TOMM20: variants seen among roughly 807,000 people sequenced by gnomAD.
The protein encoded by TOMM20 is translocase of outer mitochondrial membrane 20, also known as mitochondrial import receptor subunit TOM20 homolog.
Under a neutral mutation model 22.1 loss-of-function variants are expected in TOMM20, and 10 were observed. That is an observed-to-expected ratio of 0.45 (90% CI 0.28 to 0.77). TOMM20 has a LOEUF of 0.77. Ranked by LOEUF, TOMM20 falls within the 30% of genes least tolerant of loss-of-function variation. The pLI is 0.13. For missense variants in TOMM20, 121 were observed against 172.2 expected (o/e 0.70, Z 1.66); for synonymous variants, 55 against 61.4 (o/e 0.90, Z 0.49).
intron 2 of TOMM20, among the ~76,000 whole-genome samples, chr1:235,120,397 C>G (rs955095097): frequency 2.0e-5 from 3 of 151,832 alleles, no homozygotes; most frequent in African/African-American, 7.3e-5. Flanking sequence ...CTCAGCCTCC[C>G]GAGTAGCTGG....
At chr1:235,120,000 TCA>T (rs1660902468) in intron 2 of TOMM20, 101 bp from the exon 3 acceptor site, 1 of 660,070 alleles carries the variant, frequency 1.5e-6, no homozygotes, top group Non-Finnish European at 2.4e-6. Flanking sequence ...ACCAAATCAC[TCA>T]TTCTAAAAAA....
rs1468436342 is a variant in TOMM20, at chr1:235,115,669, T to C, written c.251-1759A>G. The stretch of plus-strand genomic sequence containing the variant: ...AATAAAAAAATAATAACAATACAAG[T>C]AGAGGAACAATTCTCAAGTCTGTCA... On this transcript the variant is annotated intron_variant, in intron 3 of 4. Transcript: ENST00000366607. Among the ~76,000 whole-genome samples, 5 of 152,166 alleles carry C rather than the reference T, an allele frequency of 3.3e-5. No homozygotes were observed. The East Asian group carries it at 9.6e-4, about 29-fold the overall frequency.
At chr1:235,128,567 C>G (rs776354001) in intron 1 of TOMM20, 28 bp downstream of exon 1, 21 of 1,611,548 alleles carry the variant, frequency 1.3e-5, no homozygotes, top group Admixed American at 3.3e-5. Context: ...GGCAGCAAGC[C>G]TGGCCAGGGG....
In TOMM20 at chr1:235,110,362, G is replaced by A. The variant is rs893739469; in HGVS notation, c.*1702C>T. On this transcript the variant is annotated 3_prime_UTR_variant, in exon 5 of 5. Transcript: ENST00000366607. Reference sequence around the variant, plus strand: ...TAACTGCCCCTCTATACATGTCTGGGCTGCTGCCTAAGACTTCTTAGCTGC... The same window carrying A: ...TAACTGCCCCTCTATACATGTCTGGACTGCTGCCTAAGACTTCTTAGCTGC... 1.3e-5 allele frequency: 2 copies of A among 152,032 alleles called. No individual in the cohort carries two copies. Among genetic ancestry groups the A allele is most frequent in the South Asian group, 2.1e-4 (1 of 4,810 alleles). 9.4% of individuals were successfully genotyped at this position (152,032 alleles called of 1,614,324 possible).
intron 3 of TOMM20, among the ~76,000 whole-genome samples, chr1:235,118,095 TG>T (rs1165047714): frequency 1.3e-5 from 2 of 151,928 alleles, no homozygotes; most frequent in African/African-American, 4.8e-5. Flanking sequence ...AAATCTCTTC[TG>T]AACTAGCACT....
intron 3 of TOMM20, among the ~76,000 whole-genome samples, chr1:235,115,566 G>A (rs981439191): frequency 2.0e-5 from 3 of 152,138 alleles, no homozygotes; most frequent in Admixed American, 6.5e-5. Flanking sequence ...GGCGAAGCTT[G>A]CAGTGAGCCA....
chr1:235,126,173 C>T (rs1661017019), intron 1 of TOMM20, among the ~76,000 whole-genome samples: 1 of 151,562 alleles, frequency 6.6e-6, no homozygotes. Context: ...CTTGCTCTGT[C>T]CCCCCAGGAT....
chr1:235,125,673 A>T (rs1661003992), intron 1 of TOMM20, among the ~76,000 whole-genome samples: 1 of 152,170 alleles, frequency 6.6e-6, no homozygotes, highest in Non-Finnish European at 1.5e-5. Flanking sequence ...AAATTAACTG[A>T]ACAGAATTTC....
At chr1:235,125,340 C>G (rs1311869835) in intron 1 of TOMM20, among the ~76,000 whole-genome samples, 1 of 152,102 alleles carries the variant, frequency 6.6e-6, no homozygotes, top group Admixed American at 6.5e-5. Context: ...TCAGCCTCCC[C>G]AGTAGGTGGG....
chr1:235,125,361 C>T (rs1279688753), intron 1 of TOMM20, among the ~76,000 whole-genome samples: 1 of 152,164 alleles, frequency 6.6e-6, no homozygotes, highest in Non-Finnish European at 1.5e-5. Context: ...ACTACAGGCA[C>T]CCGCCACCAT....
chr1:235,123,328 T>C (rs1382553675), intron 1 of TOMM20, among the ~76,000 whole-genome samples: 1 of 152,002 alleles, frequency 6.6e-6, no homozygotes, highest in Non-Finnish European at 1.5e-5. Context: ...CTACTAAAAA[T>C]ACAAAAATTA....
rs1300070724 is a variant in TOMM20 at position 235,110,424 on chromosome 1, T to G, written c.*1640A>C. 6.6e-6 allele frequency: 1 copy of G among 152,274 alleles called. No individual in the cohort carries two copies. The highest frequency in any genetic ancestry group is 2.4e-5 in the African/African-American group (1 of 41,434). The allele number at this position is 152,274 out of a possible 1,614,324, so 9.4% of individuals were successfully genotyped here. A position where few individuals can be genotyped will look rare whatever the true frequency, so the allele number is the denominator to read the frequency against. Reference sequence around the variant, plus strand: ...CTGACCAATCACCACTACACTGCTTTGGATTTGGGATCCCACTAGTAAAAC... The same window carrying G: ...CTGACCAATCACCACTACACTGCTTGGGATTTGGGATCCCACTAGTAAAAC... On this transcript the variant is annotated 3_prime_UTR_variant, in exon 5 of 5. Coordinates refer to ENST00000366607, the MANE Select transcript of TOMM20 (RefSeq NM_014765.3).
Position 235,111,724 on chromosome 1 carries a change from T to G in TOMM20, c.*340A>C, listed in dbSNP as rs76065594. On this transcript the variant is annotated 3_prime_UTR_variant, in exon 5 of 5. Coordinates refer to ENST00000366607, the MANE Select transcript of TOMM20 (RefSeq NM_014765.3). ...AGTTTCTCCTATACTTTTTTTTTTT[T>G]GCCTATCTTTCAAAACTGAGCACTG... is the stretch of plus-strand genomic sequence containing the variant. The G allele has an allele frequency of 1.1e-5, 2 of 175,332 alleles. No individual in the cohort carries two copies. Among genetic ancestry groups the G allele is most frequent in the African/African-American group, 4.8e-5 (2 of 41,990 alleles). 10.9% of individuals were successfully genotyped at this position (175,332 alleles called of 1,614,324 possible).
intron 3 of TOMM20, among the ~76,000 whole-genome samples, chr1:235,117,885 T>C (rs963391520): frequency 2.6e-5 from 4 of 152,190 alleles, no homozygotes; most frequent in Non-Finnish European, 5.9e-5. Context: ...ATACTCCAAT[T>C]GTGTAGGTCA....
chr1:235,113,389 T>C (rs1660773661), intron 4 of TOMM20, among the ~76,000 whole-genome samples: 1 of 152,168 alleles, frequency 6.6e-6, no homozygotes, highest in Admixed American at 6.5e-5. Context: ...TAGGCCCGAA[T>C]GTGTAGGCTA....
intron 3 of TOMM20, among the ~76,000 whole-genome samples, chr1:235,115,162 C>A (rs766169766): frequency 1.3e-5 from 2 of 152,086 alleles, no homozygotes; most frequent in East Asian, 1.9e-4. Context: ...CAGGCATGAG[C>A]CACTGCACTC....
chr1:235,112,607 G>GAC (rs1168207084), intron 4 of TOMM20, among the ~76,000 whole-genome samples: 1 of 152,064 alleles, frequency 6.6e-6, no homozygotes, highest in African/African-American at 2.4e-5. Context: ...TAGGGCATGA[G>GAC]ACACTGTGTA....
At chr1:235,116,613 TGCTTGAACCCTC>T (rs1377569928) in intron 3 of TOMM20, among the ~76,000 whole-genome samples, 1 of 149,240 alleles carries the variant, frequency 6.7e-6, no homozygotes, top group Non-Finnish European at 1.5e-5. Context: ...GCACAAGAAT[TGCTTGAACCCTC>T]GCTTGAACCC....
rs1411949373 is a variant in TOMM20 at position 235,110,706 on chromosome 1, TAAG to T, written c.*1355_*1357del. On this transcript the variant is annotated 3_prime_UTR_variant, in exon 5 of 5. Transcript: ENST00000366607. ...CAAAAAAACCGAGATTGATAATGAT[TAAG>T]AAGAGTTTGTAAGTCAATCAAAATA... 1 of 152,172 alleles carries T rather than the reference TAAG, an allele frequency of 6.6e-6. No homozygotes were observed. Among genetic ancestry groups the T allele is most frequent in the Non-Finnish European group, 1.5e-5 (1 of 68,026 alleles). 9.4% of individuals were successfully genotyped at this position (152,172 alleles called of 1,614,324 possible).
Sources: gnomAD v4.1 joint callset for allele counts (sites outside exome capture counted in the v4.1 genomes callset) on GRCh38, gnomAD v4.1.1 for gene constraint, MANE v1.5 for transcripts, NCBI Gene and HGNC (gene_info 2026-07-23, HGNC 2026-07-21) for gene names.